SAFB: variants seen among roughly 807,000 people sequenced by gnomAD.
SAFB encodes scaffold attachment factor B1.
SAFB carries 15 observed loss-of-function variants against 101.6 expected under a neutral mutation model. The ratio of observed to expected loss-of-function variants is 0.15; its 90% CI spans 0.10 to 0.23. SAFB has a LOEUF of 0.23. Ranked by LOEUF, SAFB falls within the 10% of genes least tolerant of loss-of-function variation. SAFB has a pLI of 1.00. For synonymous variants in SAFB, 449 were observed against 407.5 expected, an observed-to-expected ratio of 1.10 and a Z score of -1.23; for missense variants, 930 against 1,104.1, an observed-to-expected ratio of 0.84 and a Z score of 2.23.
chr19:5,664,127 C>T lies in SAFB; in HGVS notation c.2259C>T (p.Asp753=), dbSNP rs191049517. ...GCTTCCACGACTTTGACCACAGGGA[C>T]CGCGGCCGCTACCCCGACCACTCGG... ...QDRFHDFDHR[D]RGRYPDHSVD... is the part of the protein sequence containing the mutation. The change falls in exon 16 of 21, where the codon GAC becomes GAT. Residue 753 remains aspartate, a synonymous_variant. Coordinates refer to ENST00000588852, the MANE Select transcript of SAFB (RefSeq NM_001201338.2). The T allele has an allele frequency of 1.9e-4, 311 of 1,613,982 alleles. 1 individual carries two copies. The Admixed American group carries it at 2.6e-3, about 14-fold the overall frequency.
chr19:5,648,121 G>A, intron 6 of SAFB, 78 bp downstream of exon 6: 3 of 1,259,598 alleles, frequency 2.4e-6, no homozygotes, highest in African/African-American at 1.5e-5. Flanking sequence ...TGAATTCTTT[G>A]ATTTTTAAAA....
At chr19:5,631,320 T>A (rs556222276) in intron 2 of SAFB, among the ~76,000 whole-genome samples, 1 of 152,370 alleles carries the variant, frequency 6.6e-6, no homozygotes, top group African/African-American at 2.4e-5. Flanking sequence ...GTTTTACCCA[T>A]TCTAGAACTT....
intron 2 of SAFB, among the ~76,000 whole-genome samples, chr19:5,638,269 G>A (rs964709587): frequency 6.6e-6 from 1 of 151,940 alleles, no homozygotes; most frequent in African/African-American, 2.4e-5. Context: ...AACCTAAGAA[G>A]GTATGCAGCC....
chr19:5,637,215 G>A (rs928221288), intron 2 of SAFB, among the ~76,000 whole-genome samples: 2 of 151,192 alleles, frequency 1.3e-5, no homozygotes, highest in African/African-American at 4.9e-5. Flanking sequence ...GTGATGGCGG[G>A]TGCCTGTAGT....
intron 15 of SAFB, among the ~76,000 whole-genome samples, chr19:5,663,064 G>A (rs879733128): frequency 4.6e-5 from 7 of 151,980 alleles, no homozygotes; most frequent in Admixed American, 2.0e-4. Flanking sequence ...GTGCAATGGC[G>A]TGATCTCAGC....
chr19:5,661,913 C>A, intron 15 of SAFB, 105 bp downstream of exon 15: 1 of 866,024 alleles, frequency 1.2e-6, no homozygotes, highest in Non-Finnish European at 1.7e-6. Context: ...GAGACGGAGT[C>A]TTGCTTTGTC....
chr19:5,660,342 C>CTTTTTTTTTTTTTTT (rs11360129), intron 14 of SAFB, among the ~76,000 whole-genome samples: 3 of 50,904 alleles, frequency 5.9e-5, no homozygotes, highest in African/African-American at 2.3e-4. Flanking sequence ...CTGCACACAC[C>CTTTTTTTTTTTTTTT]TTTTTTTTTT....
intron 14 of SAFB, among the ~76,000 whole-genome samples, chr19:5,660,009 G>A (rs1009987552): frequency 1.3e-5 from 2 of 152,218 alleles, no homozygotes; most frequent in African/African-American, 4.8e-5. Context: ...AGAGGCAGGT[G>A]TGGGCGGATC....
intron 9 of SAFB, among the ~76,000 whole-genome samples, chr19:5,652,675 C>A (rs1204152434): frequency 6.6e-6 from 1 of 152,164 alleles, no homozygotes; most frequent in Non-Finnish European, 1.5e-5. Flanking sequence ...TAGGGCAGAT[C>A]TGAGTTCCAG....
At position 5,641,976 on chromosome 19, in the gene SAFB, G is replaced by C. The variant is rs924926328; in HGVS notation, c.546+30G>C. On this transcript the variant is annotated intron_variant, in intron 4 of 20. Coordinates refer to ENST00000588852, the MANE Select transcript of SAFB (RefSeq NM_001201338.2). ...GTAACCGGCAATGTCTCTAGAATGT[G>C]CCCTGAATGTATCAGTTCCACAATT... The C allele has an allele frequency of 3.2e-6, 5 of 1,552,788 alleles. No individual in the cohort carries two copies. In the Admixed American group the frequency reaches 8.4e-5, roughly 26 times the overall value.
At chr19:5,665,971 G>A (rs1472297267) in intron 17 of SAFB, 1 of 152,252 alleles carries the variant, frequency 6.6e-6, no homozygotes, top group Non-Finnish European at 1.5e-5. Context: ...CATCGTGCAC[G>A]TGGTGGAGCA....
At chr19:5,646,028 T>C (rs1196432503) in intron 5 of SAFB, among the ~76,000 whole-genome samples, 1 of 152,182 alleles carries the variant, frequency 6.6e-6, no homozygotes, top group African/African-American at 2.4e-5. Flanking sequence ...ATGATTTTTA[T>C]ATTTGTGGGT....
rs1000277445 is a variant in SAFB, at chr19:5,658,142, C to T, written c.1862+795C>T. Among the ~76,000 whole-genome samples the T allele has an allele frequency of 7.9e-5, 12 of 152,126 alleles. No homozygotes were observed. The East Asian group carries it at 2.2e-3, about 27-fold the overall frequency. ...CCTCCCAAGTAGCTGGGACTACAGGCGCAAGCCACCACACCCGGCTCATTT... is the reference window on the plus strand; with the variant it reads ...CCTCCCAAGTAGCTGGGACTACAGGTGCAAGCCACCACACCCGGCTCATTT... On this transcript the variant is annotated intron_variant, in intron 14 of 20. Transcript: ENST00000588852.
chr19:5,664,308 A>C lies in SAFB; in HGVS notation c.2292-89A>C. 1.0e-5 allele frequency: 15 copies of C among 1,454,128 alleles called. No homozygotes were observed. The South Asian group carries it at 1.7e-4, about 17-fold the overall frequency. 90.1% of individuals were successfully genotyped at this position (1,454,128 alleles called of 1,614,324 possible). On this transcript the variant is annotated intron_variant, in intron 16 of 20. Coordinates refer to ENST00000588852, the MANE Select transcript of SAFB (RefSeq NM_001201338.2). Reference sequence around the variant, plus strand: ...AGGTCTCCTGCCTTCAGTTAGGGAAATTATGCTTTTCATTGGGGGCCTGAT... The same window carrying C: ...AGGTCTCCTGCCTTCAGTTAGGGAACTTATGCTTTTCATTGGGGGCCTGAT...
intron 2 of SAFB, among the ~76,000 whole-genome samples, chr19:5,631,771 CG>C (rs1178967373): frequency 6.6e-6 from 1 of 152,156 alleles, no homozygotes; most frequent in Non-Finnish European, 1.5e-5. Flanking sequence ...AGGGGCTGTG[CG>C]AGATGGCTCT....
At chr19:5,665,738 C>T (rs778031455) in intron 17 of SAFB, 2 of 152,208 alleles carry the variant, frequency 1.3e-5, no homozygotes, top group Non-Finnish European at 2.9e-5. Context: ...GTCAGAGTTA[C>T]CCCAAAGGGA....
chr19:5,659,375 C>A (rs746289075), intron 14 of SAFB, among the ~76,000 whole-genome samples: 5 of 151,746 alleles, frequency 3.3e-5, no homozygotes, highest in Non-Finnish European at 5.9e-5. Context: ...AAAGTTATCA[C>A]CCTTTTATTC....
Position 5,667,923 on chromosome 19 carries a change from T to C in SAFB, c.2624+37T>C, listed in dbSNP as rs779708382. On this transcript the variant is annotated intron_variant, in intron 20 of 20. Transcript: ENST00000588852. This position sits in a 1 kb window ranked among gnomAD's most constrained non-coding sequence, Gnocchi z 4.0. ...TGGGGGCGGCGCCCCTTCCCCCTGCTTTGCATATTGGCCTACCTTGCTGGA... is the reference window on the plus strand; with the variant it reads ...TGGGGGCGGCGCCCCTTCCCCCTGCCTTGCATATTGGCCTACCTTGCTGGA... 4 of 1,562,348 alleles carry C rather than the reference T, an allele frequency of 2.6e-6. No homozygotes were observed. The highest frequency in any genetic ancestry group is 3.7e-5 in the Admixed American group (2 of 54,544).
At chr19:5,637,519 G>C (rs10402699) in intron 2 of SAFB, among the ~76,000 whole-genome samples, 1,853 of 151,996 alleles carry the variant, frequency 0.012, 43 homozygotes, top group African/African-American at 0.042. Flanking sequence ...AGCCAAGCAT[G>C]GTGGCACGTG....
Sources: gnomAD v4.1 joint callset for allele counts (sites outside exome capture counted in the v4.1 genomes callset) on GRCh38, gnomAD v4.1.1 for gene constraint, Gnocchi (gnomAD v3.1) non-coding constraint, MANE v1.5 for transcripts, NCBI Gene and HGNC (gene_info 2026-07-23, HGNC 2026-07-21) for gene names.